STT3B: variants seen among roughly 807,000 people sequenced by gnomAD.
The protein encoded by STT3B is STT3 oligosaccharyltransferase complex catalytic subunit B.
In STT3B, 29 loss-of-function variants were observed where a neutral mutation model predicts 96.8. That is an observed-to-expected ratio of 0.30 (90% confidence interval 0.22 to 0.41). The LOEUF (loss-of-function observed/expected upper bound fraction) is 0.41, where lower values mean the gene tolerates loss of function less well. Among genes scored for constraint, STT3B ranks in the 10% least tolerant of loss-of-function variants. The pLI is 1.00. For synonymous variants in STT3B, 367 were observed against 360.0 expected, an observed-to-expected ratio of 1.02 and a Z score of -0.22; for missense variants, 640 against 1,022.3, an observed-to-expected ratio of 0.63 and a Z score of 5.10.
chr3:31,625,925 AC>A (rs776007918), intron 12 of STT3B, 28 bp from the exon 13 acceptor site: 2 of 1,547,988 alleles, frequency 1.3e-6, no homozygotes, highest in Non-Finnish European at 1.7e-6. Flanking sequence ...ATAATCAAAA[AC>A]ATTCTCATTT....
At chr3:31,565,574 T>A (rs1486861044) in intron 1 of STT3B, among the ~76,000 whole-genome samples, 1 of 152,148 alleles carries the variant, frequency 6.6e-6, no homozygotes, top group East Asian at 1.9e-4. Context: ...GTTGAATTGG[T>A]TAATATAAGA....
chr3:31,610,551 A>C (rs1270030860), intron 5 of STT3B, among the ~76,000 whole-genome samples: 5 of 152,168 alleles, frequency 3.3e-5, no homozygotes, highest in Non-Finnish European at 7.4e-5. Context: ...CAATACTTAA[A>C]ATTTCATTTG....
chr3:31,541,482 T>G (rs1185460126), intron 1 of STT3B, among the ~76,000 whole-genome samples: 1 of 151,758 alleles, frequency 6.6e-6, no homozygotes, highest in Admixed American at 6.6e-5. Flanking sequence ...GTTTTTTTTT[T>G]TTTTTGGCTG....
rs569107715 is a variant in STT3B, at chr3:31,616,813, TA to T, written c.977-114del. The T allele has an allele frequency of 1.9e-4, 149 of 785,664 alleles. No individual in the cohort carries two copies. In the African/African-American group the frequency reaches 2.2e-3, roughly 12 times the overall value. 48.7% of individuals were successfully genotyped at this position (785,664 alleles called of 1,614,324 possible). ...CAAAGGAAATGTTGGCTAGATGAAA[TA>T]AGTAGTCTTTGATATGAATGGTGCA... On this transcript the variant is annotated intron_variant, in intron 6 of 15. Transcript: ENST00000295770.
rs369606175 is a variant in STT3B at position 31,567,467 on chromosome 3, A to G, written c.315-8929A>G. On this transcript the variant is annotated intron_variant, in intron 1 of 15. Coordinates refer to ENST00000295770, the MANE Select transcript of STT3B (RefSeq NM_178862.3). Reference sequence around the variant, plus strand: ...ACATTTGTGAACTGAACATTTTTGGAATGTGGGACATGTTTGTCGCTCATT... The same window carrying G: ...ACATTTGTGAACTGAACATTTTTGGGATGTGGGACATGTTTGTCGCTCATT... Among the ~76,000 whole-genome samples, 6 of 152,254 alleles carry G rather than the reference A, an allele frequency of 3.9e-5. No homozygotes were observed. In the South Asian group the frequency reaches 1.2e-3, roughly 32 times the overall value.
In STT3B at chr3:31,636,908, T is replaced by C. The variant is rs1699762665; in HGVS notation, c.*844T>C. The C allele has an allele frequency of 6.6e-6, 1 of 152,186 alleles. No homozygotes were observed. The highest frequency in any genetic ancestry group is 6.5e-5 in the Admixed American group (1 of 15,280). The allele number at this position is 152,186 out of a possible 1,614,324, so 9.4% of individuals were successfully genotyped here. ...ATGCAAAAGATTAAGGAAAAAACCCTTAAAGTGGACAGGTATCCAAAGTTC... is the reference window on the plus strand; with the variant it reads ...ATGCAAAAGATTAAGGAAAAAACCCCTAAAGTGGACAGGTATCCAAAGTTC... On this transcript the variant is annotated 3_prime_UTR_variant, in exon 16 of 16. Coordinates refer to ENST00000295770, the MANE Select transcript of STT3B (RefSeq NM_178862.3).
intron 10 of STT3B, 24 bp from the exon 11 acceptor site, chr3:31,623,650 A>T: frequency 2.6e-6 from 4 of 1,557,860 alleles, no homozygotes; most frequent in Non-Finnish European, 3.5e-6. Context: ...GAATTTGTCT[A>T]ACCAATTTTT....
At chr3:31,534,110 C>T (rs553436862) in intron 1 of STT3B, among the ~76,000 whole-genome samples, 60 of 152,258 alleles carry the variant, frequency 3.9e-4, no homozygotes, top group Admixed American at 1.3e-3. Context: ...CCCTGTTAGC[C>T]ACTGTCACCC....
intron 2 of STT3B, 31 bp from the exon 3 acceptor site, chr3:31,579,769 ATTTTATATG>A: frequency 2.0e-6 from 3 of 1,499,470 alleles, no homozygotes; most frequent in Non-Finnish European, 2.7e-6. Context: ...TTTGTGTCTC[ATTTTATATG>A]TAATTAAATT....
chr3:31,614,124 G>A (rs1044701223), intron 5 of STT3B, among the ~76,000 whole-genome samples: 2 of 151,894 alleles, frequency 1.3e-5, no homozygotes, highest in Non-Finnish European at 1.5e-5. Context: ...GGGTGAGGAG[G>A]AAAGTGTGTA....
At chr3:31,607,315 A>G (rs907045788) in intron 5 of STT3B, among the ~76,000 whole-genome samples, 4 of 152,276 alleles carry the variant, frequency 2.6e-5, no homozygotes, top group Middle Eastern at 3.4e-3. Context: ...GTGCCAGGGC[A>G]GAATGTATGG....
chr3:31,560,121 T>C (rs9879051), intron 1 of STT3B, among the ~76,000 whole-genome samples: 11,026 of 152,176 alleles, frequency 0.072, 481 homozygotes, highest in South Asian at 0.11. Flanking sequence ...GTTGGGTCTT[T>C]TATTTTTTTA....
intron 4 of STT3B, among the ~76,000 whole-genome samples, chr3:31,598,420 G>A (rs1343891666): frequency 6.6e-6 from 1 of 152,098 alleles, no homozygotes; most frequent in Non-Finnish European, 1.5e-5. Flanking sequence ...AAGAGTACTT[G>A]GAAGTTTTGG....
At chr3:31,634,055 C>T (rs140368204) in intron 15 of STT3B, among the ~76,000 whole-genome samples, 47 of 152,150 alleles carry the variant, frequency 3.1e-4, no homozygotes, top group Middle Eastern at 3.4e-3. Flanking sequence ...TGAATATTAA[C>T]GGTGTGATAT....
chr3:31,623,313 G>A (rs1034548317), intron 10 of STT3B, among the ~76,000 whole-genome samples: 5 of 152,168 alleles, frequency 3.3e-5, no homozygotes, highest in Non-Finnish European at 7.4e-5. Context: ...TTTTCAGGAT[G>A]TGGAATTCAG....
intron 11 of STT3B, 39 bp from the exon 12 acceptor site, chr3:31,624,875 G>A (rs962806650): frequency 6.6e-7 from 1 of 1,521,008 alleles, no homozygotes; most frequent in African/African-American, 1.4e-5. Flanking sequence ...CTTCACATTT[G>A]TGACATCTCA....
At chr3:31,542,006 TATCTC>T (rs1697286691) in intron 1 of STT3B, among the ~76,000 whole-genome samples, 1 of 152,182 alleles carries the variant, frequency 6.6e-6, no homozygotes, top group Non-Finnish European at 1.5e-5. Context: ...TTAAAAAAAT[TATCTC>T]AAGGCTGAAC....
intron 5 of STT3B, among the ~76,000 whole-genome samples, chr3:31,607,156 A>G (rs776660561): frequency 6.6e-6 from 1 of 152,194 alleles, no homozygotes; most frequent in Non-Finnish European, 1.5e-5. Context: ...TTACAGGCTC[A>G]TAGGCAGAAG....
At chr3:31,622,019 T>TTCTTG in intron 9 of STT3B, 78 bp from the exon 10 acceptor site, 1 of 442,686 alleles carries the variant, frequency 2.3e-6, no homozygotes, top group Non-Finnish European at 3.4e-6. Flanking sequence ...CAGGTTGGTT[T>TTCTTG]TATAGTTTTA....
Sources: gnomAD v4.1 joint callset for allele counts (sites outside exome capture counted in the v4.1 genomes callset) on GRCh38, gnomAD v4.1.1 for gene constraint, MANE v1.5 for transcripts, NCBI Gene and HGNC (gene_info 2026-07-23, HGNC 2026-07-21) for gene names.